The following C12orf42 variants were observed in gnomAD, a reference collection of about 807,000 sequenced individuals.
The protein encoded by C12orf42 is uncharacterized protein C12orf42.
In C12orf42, 25 loss-of-function variants were observed where a neutral mutation model predicts 21.6. The observed-to-expected ratio is 1.16, with a 90% CI of 0.84 to 1.62. The LOEUF (loss-of-function observed/expected upper bound fraction) is 1.62. Among genes scored for constraint, C12orf42 ranks in the 40% most tolerant of loss-of-function variants. The pLI is 0.00. For synonymous variants in C12orf42, 174 were observed against 175.0 expected, an observed-to-expected ratio of 0.99 and a Z score of 0.05; for missense variants, 483 against 459.3, an observed-to-expected ratio of 1.05 and a Z score of -0.47.
upstream of C12orf42, among the ~76,000 whole-genome samples, chr12:103,496,774 A>G (rs2374072): frequency 9.4e-4 from 113 of 120,582 alleles, 3 homozygotes; most frequent in African/African-American, 3.1e-3. Flanking sequence ...CACCCTCCCC[A>G]CCACCCCACA....
At chr12:103,260,973 A>G (rs1418726233) in intron 10 of C12orf42, among the ~76,000 whole-genome samples, 1 of 152,096 alleles carries the variant, frequency 6.6e-6, no homozygotes, top group African/African-American at 2.4e-5. Flanking sequence ...TTTTATCCTA[A>G]TATTTTGCAC....
the C12orf42 span, among the ~76,000 whole-genome samples, chr12:103,544,900 A>G: frequency 1.3e-5 from 2 of 152,092 alleles, no homozygotes; most frequent in Non-Finnish European, 2.9e-5. Context: ...GTTTACCTCA[A>G]CACGCTCAAC....
At chr12:103,131,765 G>A in the C12orf42 span, among the ~76,000 whole-genome samples, 2 of 152,136 alleles carry the variant, frequency 1.3e-5, no homozygotes, top group Non-Finnish European at 1.5e-5. Flanking sequence ...TTGATGGTGG[G>A]GTAATGTTGT....
At chr12:103,189,824 A>G in the C12orf42 span, among the ~76,000 whole-genome samples, 7 of 152,226 alleles carry the variant, frequency 4.6e-5, 1 homozygote, top group East Asian at 1.4e-3. Context: ...GCCACCCACA[A>G]TCCTAGCCAG....
At chr12:103,483,705 C>T (rs1354428853) in intron 1 of C12orf42, among the ~76,000 whole-genome samples, 6 of 151,720 alleles carry the variant, frequency 4.0e-5, no homozygotes, top group Admixed American at 2.6e-4. Flanking sequence ...GGTACATGTG[C>T]ACAACATGCA....
chr12:103,225,362 G>A, the C12orf42 span, among the ~76,000 whole-genome samples: 1 of 152,204 alleles, frequency 6.6e-6, no homozygotes, highest in Non-Finnish European at 1.5e-5. Context: ...AAAAGGCCAT[G>A]CTATAGCAGG....
chr12:103,479,006 C>T lies in C12orf42; in HGVS notation c.-21-559G>A, dbSNP rs1445833213. ...TTCAAATTTTTGAACTTTGAGTTTT[C>T]GTCTTATTGCACTAGTTTACATCTC... On this transcript the variant is annotated intron_variant, in intron 1 of 5. Coordinates refer to ENST00000548883, the MANE Select transcript of C12orf42 (RefSeq NM_198521.5). Among the ~76,000 whole-genome samples the T allele has an allele frequency of 3.3e-5, 5 of 151,912 alleles. No individual in the cohort carries two copies. In the East Asian group the frequency reaches 7.7e-4, roughly 23 times the overall value.
chr12:103,159,001 G>GA, the C12orf42 span, among the ~76,000 whole-genome samples: 1 of 151,476 alleles, frequency 6.6e-6, no homozygotes, highest in Non-Finnish European at 1.5e-5. Flanking sequence ...TCTGTTAAGA[G>GA]AAAAAAAAAT....
chr12:103,106,641 A>T, the C12orf42 span, among the ~76,000 whole-genome samples: 1 of 151,942 alleles, frequency 6.6e-6, no homozygotes, highest in Non-Finnish European at 1.5e-5. Context: ...GTATGAAAAT[A>T]ATATATATGA....
chr12:103,457,537 C>G (rs950050928), intron 2 of C12orf42, among the ~76,000 whole-genome samples: 3 of 152,158 alleles, frequency 2.0e-5, no homozygotes, highest in African/African-American at 7.2e-5. Flanking sequence ...AGACCAATGT[C>G]TTACTGCTGT....
At chr12:103,446,714 T>C (rs1303450865) in intron 2 of C12orf42, among the ~76,000 whole-genome samples, 1 of 151,926 alleles carries the variant, frequency 6.6e-6, no homozygotes, top group Non-Finnish European at 1.5e-5. Context: ...TGGTTATTCT[T>C]ATATCAGAAA....
chr12:103,488,734 C>T (rs1954999061), intron 1 of C12orf42, among the ~76,000 whole-genome samples: 1 of 152,126 alleles, frequency 6.6e-6, no homozygotes, highest in Non-Finnish European at 1.5e-5. Flanking sequence ...TCTTCCGCTT[C>T]TTGAATTGGC....
chr12:103,237,914 T>A (rs960139270), intron 10 of C12orf42: 2 of 152,140 alleles, frequency 1.3e-5, no homozygotes, highest in Admixed American at 1.3e-4. Flanking sequence ...TGGATTCAAG[T>A]AAAAGAGAAA....
At chr12:103,051,488 T>G in the C12orf42 span, among the ~76,000 whole-genome samples, 1 of 152,176 alleles carries the variant, frequency 6.6e-6, no homozygotes, top group East Asian at 1.9e-4. Context: ...GGAAATACAT[T>G]GCTGGTTTTA....
the C12orf42 span, among the ~76,000 whole-genome samples, chr12:103,194,765 T>C: frequency 3.9e-5 from 6 of 152,262 alleles, no homozygotes; most frequent in East Asian, 1.2e-3. Context: ...ACAAATTAGA[T>C]TCAATCTCTA....
At chr12:103,121,953 C>T in the C12orf42 span, among the ~76,000 whole-genome samples, 1 of 152,106 alleles carries the variant, frequency 6.6e-6, no homozygotes, top group Non-Finnish European at 1.5e-5. Context: ...GAAAAATTGC[C>T]TTATCCTTTA....
chr12:103,543,548 G>A, the C12orf42 span, among the ~76,000 whole-genome samples: 1 of 151,998 alleles, frequency 6.6e-6, no homozygotes, highest in Admixed American at 6.6e-5. Context: ...AGGAGTTTGA[G>A]GCTGCAGTGA....
At chr12:103,364,211 T>C (rs886291881) in intron 4 of C12orf42, among the ~76,000 whole-genome samples, 1 of 151,984 alleles carries the variant, frequency 6.6e-6, no homozygotes, top group Non-Finnish European at 1.5e-5. Context: ...GCCATGCAAA[T>C]ACATGGAAAT....
chr12:103,547,915 G>A, the C12orf42 span: 1 of 152,228 alleles, frequency 6.6e-6, no homozygotes, highest in South Asian at 2.1e-4. Flanking sequence ...TCAGTGTTGT[G>A]TGAAACTAAG....
Sources: gnomAD v4.1 joint callset for allele counts (sites outside exome capture counted in the v4.1 genomes callset) on GRCh38, gnomAD v4.1.1 for gene constraint, MANE v1.5 for transcripts, NCBI Gene and HGNC (gene_info 2026-07-23, HGNC 2026-07-21) for gene names.